The following C8orf89 variants were observed in gnomAD, a reference collection of about 807,000 sequenced individuals.
C8orf89 encodes putative uncharacterized protein C8orf89.
A neutral mutation model predicts 15.8 loss-of-function variants in C8orf89; 14 were observed. The observed-to-expected ratio is 0.89, with a 90% CI of 0.59 to 1.39. The LOEUF is 1.39. Ranked by LOEUF, C8orf89 falls within the 40% of genes most tolerant of loss-of-function variation. The probability of loss-of-function intolerance (pLI) is 0.00; values close to 1 mark genes in which losing one functional copy is unlikely to be tolerated. For missense variants in C8orf89, 181 were observed against 184.5 expected (o/e 0.98, Z 0.11); for synonymous variants, 55 against 62.2 (o/e 0.88, Z 0.54).
At chr8:73,284,305 C>T in the C8orf89 span, among the ~76,000 whole-genome samples, 1 of 147,652 alleles carries the variant, frequency 6.8e-6, no homozygotes, top group Non-Finnish European at 1.5e-5. Flanking sequence ...CCTCCGCCTC[C>T]CGGTTTCAAG....
the C8orf89 span, among the ~76,000 whole-genome samples, chr8:73,265,628 A>G: frequency 2.6e-5 from 4 of 152,226 alleles, no homozygotes; most frequent in Non-Finnish European, 5.9e-5. Flanking sequence ...GCAGTTAAAT[A>G]TGGCTAGCAT....
the C8orf89 span, among the ~76,000 whole-genome samples, chr8:73,273,684 T>C: frequency 6.6e-6 from 1 of 151,428 alleles, no homozygotes; most frequent in African/African-American, 2.4e-5. Context: ...GCCCAGGCTG[T>C]CAGTTCCACG....
intron 2 of C8orf89, among the ~76,000 whole-genome samples, chr8:73,251,288 G>A (rs1813240190): frequency 6.6e-6 from 1 of 152,178 alleles, no homozygotes; most frequent in Admixed American, 6.5e-5. Flanking sequence ...AAAAAAGAGA[G>A]TAAGGGGTTG....
chr8:73,284,512 C>T, the C8orf89 span, among the ~76,000 whole-genome samples: 1 of 151,942 alleles, frequency 6.6e-6, no homozygotes, highest in Non-Finnish European at 1.5e-5. Flanking sequence ...CATGCCTGGC[C>T]CGCTCCATCA....
the C8orf89 span, among the ~76,000 whole-genome samples, chr8:73,273,039 C>G: frequency 6.6e-6 from 1 of 152,216 alleles, no homozygotes; most frequent in Non-Finnish European, 1.5e-5. Flanking sequence ...AATTAGGAGC[C>G]TCAAAAGTTT....
At chr8:73,262,232 C>T (rs908248539), upstream of C8orf89, among the ~76,000 whole-genome samples, 5 of 152,072 alleles carry the variant, frequency 3.3e-5, no homozygotes, top group Admixed American at 1.3e-4. Context: ...TTTAAGTCAG[C>T]CTCCTCTCCC....
chr8:73,280,394 G>A, the C8orf89 span, among the ~76,000 whole-genome samples: 5 of 152,096 alleles, frequency 3.3e-5, no homozygotes, highest in East Asian at 1.9e-4. Flanking sequence ...ATTTTTAAAC[G>A]GAGTCTCACT....
chr8:73,276,402 G>A, the C8orf89 span, among the ~76,000 whole-genome samples: 6 of 151,850 alleles, frequency 4.0e-5, no homozygotes, highest in South Asian at 4.2e-4. Flanking sequence ...ATTCTTGAAC[G>A]CCTGACCTCA....
At chr8:73,245,747 T>C (rs1813109393) in intron 3 of C8orf89, among the ~76,000 whole-genome samples, 1 of 152,136 alleles carries the variant, frequency 6.6e-6, no homozygotes, top group Non-Finnish European at 1.5e-5. Flanking sequence ...TGCAAGTTTC[T>C]AGAAAATATA....
intron 3 of C8orf89, among the ~76,000 whole-genome samples, chr8:73,248,274 T>C (rs546214520): frequency 6.6e-6 from 1 of 152,238 alleles, no homozygotes; most frequent in East Asian, 1.9e-4. Context: ...ATTTCTGATC[T>C]CTCTATTGTG....
upstream of C8orf89, among the ~76,000 whole-genome samples, chr8:73,261,324 A>G (rs562478972): frequency 1.3e-5 from 2 of 152,290 alleles, no homozygotes; most frequent in South Asian, 2.1e-4. Context: ...GTAGTTTAAC[A>G]CAGCCGCAGT....
At chr8:73,267,544 G>A in the C8orf89 span, among the ~76,000 whole-genome samples, 1 of 152,330 alleles carries the variant, frequency 6.6e-6, no homozygotes, top group East Asian at 1.9e-4. Context: ...TCAAATAAAT[G>A]ATGATAGGAA....
the C8orf89 span, chr8:73,277,446 T>A: frequency 1.8e-6 from 2 of 1,136,724 alleles, no homozygotes; most frequent in Admixed American, 2.2e-5. Context: ...TGTCTCCAAA[T>A]TCTTTTTCTC....
chr8:73,276,887 A>G, the C8orf89 span, among the ~76,000 whole-genome samples: 1 of 136,336 alleles, frequency 7.3e-6, no homozygotes, highest in Non-Finnish European at 1.5e-5. Flanking sequence ...GCTCACTGCA[A>G]CCTCCACCTC....
intron 3 of C8orf89, among the ~76,000 whole-genome samples, chr8:73,243,860 C>T (rs890181808): frequency 1.3e-5 from 2 of 151,882 alleles, no homozygotes; most frequent in Non-Finnish European, 2.9e-5. Flanking sequence ...GACTATGTGC[C>T]TCAAAAAATA....
chr8:73,276,352 AT>A, the C8orf89 span, among the ~76,000 whole-genome samples: 3 of 151,666 alleles, frequency 2.0e-5, no homozygotes, highest in Non-Finnish European at 4.4e-5. Flanking sequence ...AATTTTTTGT[AT>A]TTTTAGTAGA....
chr8:73,282,881 T>C, the C8orf89 span, among the ~76,000 whole-genome samples: 1 of 152,146 alleles, frequency 6.6e-6, no homozygotes, highest in Non-Finnish European at 1.5e-5. Flanking sequence ...CTGAGAATTA[T>C]GGAACCATGA....
At chr8:73,281,655 A>G in the C8orf89 span, among the ~76,000 whole-genome samples, 1,323 of 152,138 alleles carry the variant, frequency 8.7e-3, 7 homozygotes, top group Non-Finnish European at 0.011. Context: ...TTGTTTGTTT[A>G]TTTGTTTGTT....
chr8:73,285,158 T>C, the C8orf89 span, among the ~76,000 whole-genome samples: 6 of 152,050 alleles, frequency 3.9e-5, no homozygotes, highest in Non-Finnish European at 5.9e-5. Flanking sequence ...GGTGCAAGTG[T>C]GGGAGAAGGG....
Sources: gnomAD v4.1 joint callset for allele counts (sites outside exome capture counted in the v4.1 genomes callset) on GRCh38, gnomAD v4.1.1 for gene constraint, MANE v1.5 for transcripts, NCBI Gene and HGNC (gene_info 2026-07-23, HGNC 2026-07-21) for gene names.